The following IGSF21 variants were observed in gnomAD, a reference collection of about 807,000 sequenced individuals.
IGSF21 encodes immunoglobulin superfamily member 21.
Under a neutral mutation model 46.8 loss-of-function variants are expected in IGSF21, and 28 were observed. That is an observed-to-expected ratio of 0.60 (90% CI 0.44 to 0.82). The LOEUF is 0.82. IGSF21 is among the 40% of genes least tolerant of loss of function. IGSF21 has a pLI of 0.00. For missense variants in IGSF21, 624 were observed against 665.5 expected, an observed-to-expected ratio of 0.94 and a Z score of 0.69; for synonymous variants, 284 against 273.6, an observed-to-expected ratio of 1.04 and a Z score of -0.38.
intron 1 of IGSF21, among the ~76,000 whole-genome samples, chr1:18,208,717 A>G (rs905253900): frequency 6.6e-6 from 1 of 151,826 alleles, no homozygotes. Context: ...ATAATATCTT[A>G]ATACCAATAA....
intron 5 of IGSF21, among the ~76,000 whole-genome samples, chr1:18,363,257 A>T (rs2124631281): frequency 6.6e-6 from 1 of 152,308 alleles, no homozygotes; most frequent in African/African-American, 2.4e-5. Flanking sequence ...GAGCTAGAGC[A>T]ATGGGTACAT....
intron 1 of IGSF21, among the ~76,000 whole-genome samples, chr1:18,194,731 G>A (rs145556735): frequency 8.2e-4 from 125 of 152,286 alleles, no homozygotes; most frequent in East Asian, 4.6e-3. Flanking sequence ...GATGTTCCAG[G>A]AGGACAGGGA....
intron 1 of IGSF21, among the ~76,000 whole-genome samples, chr1:18,151,873 T>A: frequency 6.6e-6 from 1 of 152,174 alleles, no homozygotes. Flanking sequence ...ATCTTCCAAA[T>A]GGGACCATTT....
At chr1:18,228,674 C>A (rs372472613) in intron 2 of IGSF21, among the ~76,000 whole-genome samples, 2 of 152,198 alleles carry the variant, frequency 1.3e-5, no homozygotes, top group African/African-American at 4.8e-5. Flanking sequence ...TGGGGCTGGG[C>A]TCAGAAGGTC....
intron 1 of IGSF21, among the ~76,000 whole-genome samples, chr1:18,204,220 A>G (rs1244888160): frequency 6.6e-6 from 1 of 152,190 alleles, no homozygotes; most frequent in African/African-American, 2.4e-5. Flanking sequence ...TCTCCATTTT[A>G]CAGATGAAGA....
At chr1:18,242,636 T>C (rs1479619560) in intron 2 of IGSF21, among the ~76,000 whole-genome samples, 2 of 152,204 alleles carry the variant, frequency 1.3e-5, no homozygotes, top group African/African-American at 2.4e-5. Flanking sequence ...GAAGGCTGTT[T>C]ATTTCCTTAC....
At chr1:18,375,644 T>A (rs2086272922) in intron 6 of IGSF21, among the ~76,000 whole-genome samples, 1 of 152,128 alleles carries the variant, frequency 6.6e-6, no homozygotes. Context: ...CCACACCATG[T>A]CCACCCCTAC....
intron 1 of IGSF21, among the ~76,000 whole-genome samples, chr1:18,125,161 A>T (rs968460848): frequency 6.6e-6 from 1 of 152,194 alleles, no homozygotes; most frequent in Non-Finnish European, 1.5e-5. Context: ...CTGAAGACAC[A>T]GCACTCCCAG....
rs536189910 is a variant in IGSF21, at chr1:18,227,986, C to T, written c.159C>T (p.Arg53=). Reference sequence around the variant, plus strand: ...AGTGTAACTTCAAGACAGATGGGCGCATGCGGGAGATCGTGTGGTACCGGG... The same window carrying T: ...AGTGTAACTTCAAGACAGATGGGCGTATGCGGGAGATCGTGTGGTACCGGG... ...TLKCNFKTDG[R]MREIVWYRVT... Residue 53 remains arginine (R), a synonymous_variant, in exon 2 of 10, where the codon CGC becomes CGT. Transcript: ENST00000251296. 41 of 1,613,964 alleles carry T rather than the reference C, an allele frequency of 2.5e-5. 1 individual carries two copies. In the South Asian group the frequency reaches 4.4e-4, roughly 17 times the overall value.
intron 2 of IGSF21, among the ~76,000 whole-genome samples, chr1:18,281,250 C>T (rs1373423731): frequency 8.3e-5 from 8 of 96,676 alleles, no homozygotes; most frequent in Non-Finnish European, 1.1e-4. Context: ...GAATGCACAC[C>T]GAGGGTGTGT....
chr1:18,120,554 G>A lies in IGSF21; in HGVS notation c.70+12356G>A, dbSNP rs533659855. ...TTTCTCCATTTATGAAATGCTCTAC[G>A]ATGCTCATTGTACCTGACAGGGTTG... is the stretch of plus-strand genomic sequence containing the variant. On this transcript the variant is annotated intron_variant, in intron 1 of 9. Transcript: ENST00000251296. Among the ~76,000 whole-genome samples the A allele has an allele frequency of 7.2e-5, 11 of 152,258 alleles. No individual in the cohort carries two copies. In the South Asian group the frequency reaches 1.2e-3, roughly 17 times the overall value.
intron 2 of IGSF21, among the ~76,000 whole-genome samples, chr1:18,231,029 G>A (rs957080307): frequency 1.3e-5 from 2 of 152,020 alleles, no homozygotes; most frequent in Admixed American, 6.6e-5. Context: ...CCGTGAATGA[G>A]CTTACAGAGC....
rs548772510 is a variant in IGSF21 at position 18,144,595 on chromosome 1, G to T, written c.70+36397G>T. Among the ~76,000 whole-genome samples, 7 of 152,222 alleles carry T rather than the reference G, an allele frequency of 4.6e-5. No individual in the cohort carries two copies. In the South Asian group the frequency reaches 1.5e-3, roughly 32 times the overall value. On this transcript the variant is annotated intron_variant, in intron 1 of 9. Coordinates refer to ENST00000251296, the MANE Select transcript of IGSF21 (RefSeq NM_032880.5). ...TCCAGTCCCCTGAAGATACCACTAG[G>T]TAGTACTAGGTGACTTGGTCTAACC...
intron 1 of IGSF21, among the ~76,000 whole-genome samples, chr1:18,222,871 C>A (rs1044768215): frequency 1.3e-5 from 2 of 152,154 alleles, no homozygotes; most frequent in African/African-American, 4.8e-5. Context: ...GCTATATGAA[C>A]CCTTGCCATC....
chr1:18,298,046 G>A (rs1349101044), intron 3 of IGSF21, among the ~76,000 whole-genome samples: 2 of 152,170 alleles, frequency 1.3e-5, no homozygotes, highest in African/African-American at 4.8e-5. Context: ...GGGCTTGGGA[G>A]GGCACTCCAG....
intron 1 of IGSF21, among the ~76,000 whole-genome samples, chr1:18,178,096 G>A (rs1557573820): frequency 6.6e-6 from 1 of 151,970 alleles, no homozygotes; most frequent in Non-Finnish European, 1.5e-5. Flanking sequence ...GGGGAAGTGG[G>A]GAGAGAGAGA....
intron 1 of IGSF21, among the ~76,000 whole-genome samples, chr1:18,150,673 G>A (rs2086514378): frequency 6.6e-6 from 1 of 152,120 alleles, no homozygotes; most frequent in Non-Finnish European, 1.5e-5. Flanking sequence ...ATTCCAGAGG[G>A]GACTCAATCC....
intron 1 of IGSF21, among the ~76,000 whole-genome samples, chr1:18,140,911 C>T (rs1415195609): frequency 6.6e-6 from 1 of 152,208 alleles, no homozygotes; most frequent in African/African-American, 2.4e-5. Flanking sequence ...AGGAGGTAGC[C>T]CAGGTGTGAA....
At chr1:18,218,866 G>T (rs1256123890) in intron 1 of IGSF21, among the ~76,000 whole-genome samples, 1 of 152,030 alleles carries the variant, frequency 6.6e-6, no homozygotes, top group Non-Finnish European at 1.5e-5. Context: ...AAATAGAAAG[G>T]CTCAGCAAAG....
Sources: gnomAD v4.1 joint callset for allele counts (sites outside exome capture counted in the v4.1 genomes callset) on GRCh38, gnomAD v4.1.1 for gene constraint, MANE v1.5 for transcripts, NCBI Gene and HGNC (gene_info 2026-07-23, HGNC 2026-07-21) for gene names.